The following FSD1L variants were observed in gnomAD, a reference collection of about 807,000 sequenced individuals.
FSD1L encodes the protein FSD1-like protein.
FSD1L carries 45 observed loss-of-function variants against 71.6 expected under a neutral mutation model. The observed-to-expected ratio is 0.63, with a 90% CI of 0.49 to 0.81. The LOEUF (loss-of-function observed/expected upper bound fraction) is 0.81. Among genes scored for constraint, FSD1L ranks in the 30% least tolerant of loss-of-function variants. The pLI is 0.00. For missense variants in FSD1L, 561 were observed against 618.1 expected, an observed-to-expected ratio of 0.91 and a Z score of 0.98; for synonymous variants, 197 against 207.2, an observed-to-expected ratio of 0.95 and a Z score of 0.42.
chr9:105,534,627 A>C, intron 11 of FSD1L, 34 bp downstream of exon 11: 1 of 1,228,600 alleles, frequency 8.1e-7, no homozygotes, highest in Non-Finnish European at 1.2e-6. Flanking sequence ...TCATTATCTC[A>C]GATTAAAGGC....
At chr9:105,492,833 A>G (rs1164225200) in intron 7 of FSD1L, among the ~76,000 whole-genome samples, 2 of 152,016 alleles carry the variant, frequency 1.3e-5, no homozygotes, top group African/African-American at 2.4e-5. Context: ...TTAATCCTGA[A>G]TTCTAGTTTG....
intron 6 of FSD1L, among the ~76,000 whole-genome samples, chr9:105,482,709 A>G (rs894218364): frequency 6.6e-6 from 1 of 152,200 alleles, no homozygotes; most frequent in Non-Finnish European, 1.5e-5. Context: ...TTCATTGACT[A>G]AAAAATAAGA....
At position 105,546,456 on chromosome 9, in the gene FSD1L, C is replaced by A. The variant is rs1229555378; in HGVS notation, c.1566C>A (p.Ser522Arg). ...AAAATGGAATGACTGGTTCAGCTAGCAGCCTGAACAATGTTGTTACTCAAT... is the reference window on the plus strand; with the variant it reads ...AAAATGGAATGACTGGTTCAGCTAGAAGCCTGAACAATGTTGTTACTCAAT... ...KSENGMTGSASSLNNVVTQ is the reference protein window; with the variant it reads ...KSENGMTGSARSLNNVVTQ Residue 522 changes from serine to arginine, a missense_variant, in exon 14 of 14, where the codon AGC becomes AGA. Ser to Arg is a moderately radical substitution (Grantham distance 110). Transcript: ENST00000481272. The A allele has an allele frequency of 6.5e-7, 1 of 1,549,180 alleles. No individual in the cohort carries two copies. The highest frequency in any genetic ancestry group is 2.0e-5 in the Admixed American group (1 of 50,542).
rs75503298 is a variant in FSD1L at position 105,498,907 on chromosome 9, C to T, written c.587-7492C>T. Reference sequence around the variant, plus strand: ...TGCAAAGATTACAGGCATGAGCCACCGCGCCCATGCTAGAAGTGGGTTGTT... The same window carrying T: ...TGCAAAGATTACAGGCATGAGCCACTGCGCCCATGCTAGAAGTGGGTTGTT... On this transcript the variant is annotated intron_variant, in intron 7 of 13. Transcript: ENST00000481272. 2.8e-4 allele frequency among the ~76,000 whole-genome samples: 42 copies of T among 152,262 alleles called. No homozygotes were observed. In the South Asian group the frequency reaches 4.4e-3, roughly 16 times the overall value.
chr9:105,543,687 G>T (rs1836782018), intron 13 of FSD1L, among the ~76,000 whole-genome samples: 1 of 152,028 alleles, frequency 6.6e-6, no homozygotes. Context: ...TGTGGTGTTT[G>T]GTTTTTGTCC....
intron 13 of FSD1L, among the ~76,000 whole-genome samples, chr9:105,545,784 C>A (rs1465031473): frequency 6.6e-6 from 1 of 152,036 alleles, no homozygotes; most frequent in Non-Finnish European, 1.5e-5. Flanking sequence ...TTCACAAAGT[C>A]ATTCACATTT....
chr9:105,520,625 T>A, intron 10 of FSD1L: 1 of 1,604,624 alleles, frequency 6.2e-7, no homozygotes, highest in East Asian at 2.2e-5. Flanking sequence ...CCTTAAAGAT[T>A]AGGCGGGAAG....
At chr9:105,453,172 T>TATTTTA (rs1286603987) in intron 1 of FSD1L, among the ~76,000 whole-genome samples, 6 of 147,920 alleles carry the variant, frequency 4.1e-5, no homozygotes, top group Non-Finnish European at 8.9e-5. Flanking sequence ...TAAAAATCAC[T>TATTTTA]ATTTTAATTT....
chr9:105,453,062 T>G (rs1479678596), intron 1 of FSD1L, among the ~76,000 whole-genome samples: 1 of 150,254 alleles, frequency 6.7e-6, no homozygotes, highest in Non-Finnish European at 1.5e-5. Flanking sequence ...TTTTTTTTTT[T>G]TTTTGTTAAG....
chr9:105,506,981 C>G (rs989018901), intron 8 of FSD1L, among the ~76,000 whole-genome samples: 3 of 152,096 alleles, frequency 2.0e-5, no homozygotes, highest in African/African-American at 7.2e-5. Context: ...CTATGTTGAC[C>G]AGGCTGGAAA....
At chr9:105,493,532 A>C (rs1276082937) in intron 7 of FSD1L, among the ~76,000 whole-genome samples, 1 of 152,012 alleles carries the variant, frequency 6.6e-6, no homozygotes, top group African/African-American at 2.4e-5. Context: ...TGTGAATTTG[A>C]TCCTGTCATT....
rs1835045377 is a variant in FSD1L at position 105,520,170 on chromosome 9, C to T, written c.1025+7234C>T. The T allele has an allele frequency of 4.3e-6, 7 of 1,611,064 alleles. No homozygotes were observed. In the South Asian group the frequency reaches 6.6e-5, roughly 15 times the overall value. ...GCACGGGGACGTGAAGAAGTCCACC[C>T]AGAAGGTGCTAGACACCAAGAAGGA... On this transcript the variant is annotated intron_variant, in intron 10 of 13. Coordinates refer to ENST00000481272, the MANE Select transcript of FSD1L (RefSeq NM_001145313.3).
At chr9:105,451,264 T>C (rs1829986282) in intron 1 of FSD1L, among the ~76,000 whole-genome samples, 1 of 152,200 alleles carries the variant, frequency 6.6e-6, no homozygotes, top group Non-Finnish European at 1.5e-5. Flanking sequence ...CGGCCCGACA[T>C]TTTTACTTTT....
At chr9:105,525,746 A>C in intron 10 of FSD1L, 1 of 1,603,356 alleles carries the variant, frequency 6.2e-7, no homozygotes, top group Non-Finnish European at 8.5e-7. Context: ...GGAGGAAGTC[A>C]AGCATATGAA....
intron 6 of FSD1L, among the ~76,000 whole-genome samples, chr9:105,483,267 CTAAA>C (rs1832328342): frequency 6.6e-6 from 1 of 152,018 alleles, no homozygotes; most frequent in Non-Finnish European, 1.5e-5. Flanking sequence ...AGTAAAATAA[CTAAA>C]TACAGAAATA....
upstream of FSD1L, among the ~76,000 whole-genome samples, chr9:105,444,399 G>A (rs181267338): frequency 6.6e-6 from 1 of 152,274 alleles, no homozygotes; most frequent in African/African-American, 2.4e-5. Flanking sequence ...GCAGCATCTG[G>A]ATTTAAATTC....
intron 3 of FSD1L, among the ~76,000 whole-genome samples, chr9:105,466,427 A>C (rs1378426897): frequency 6.6e-6 from 1 of 152,202 alleles, no homozygotes; most frequent in Non-Finnish European, 1.5e-5. Context: ...AACCAAAATT[A>C]TCTTTAGCAA....
intron 13 of FSD1L, among the ~76,000 whole-genome samples, chr9:105,543,784 A>G (rs1411853424): frequency 2.0e-5 from 3 of 152,192 alleles, no homozygotes; most frequent in Non-Finnish European, 4.4e-5. Context: ...ATGGCTGCAT[A>G]GTATTCCCTG....
Position 105,472,016 on chromosome 9 carries a change from A to G in FSD1L, c.441+11A>G, listed in dbSNP as rs1831510447. The G allele has an allele frequency of 7.0e-7, 1 of 1,421,662 alleles. No individual in the cohort carries two copies. The highest frequency in any genetic ancestry group is 9.2e-7 in the Non-Finnish European group (1 of 1,084,390). 88.1% of individuals were successfully genotyped at this position (1,421,662 alleles called of 1,614,324 possible). On this transcript the variant is annotated intron_variant, in intron 5 of 13. Transcript: ENST00000481272. ...GAAGAATTTTCAAAGGTACACAAAAACTGCATTAATACACTTAACAAGGGA... is the reference window on the plus strand; with the variant it reads ...GAAGAATTTTCAAAGGTACACAAAAGCTGCATTAATACACTTAACAAGGGA...
Sources: gnomAD v4.1 joint callset for allele counts (sites outside exome capture counted in the v4.1 genomes callset) on GRCh38, gnomAD v4.1.1 for gene constraint, MANE v1.5 for transcripts, NCBI Gene and HGNC (gene_info 2026-07-23, HGNC 2026-07-21) for gene names.